Variants in AGPAT3 observed in about 807,000 individuals in gnomAD.
AGPAT3 encodes 1-acylglycerol-3-phosphate O-acyltransferase 3.
Under a neutral mutation model 47.3 loss-of-function variants are expected in AGPAT3, and 5 were observed. The observed-to-expected ratio is 0.11, with a 90% CI of 0.06 to 0.22. The LOEUF (loss-of-function observed/expected upper bound fraction) is 0.22, where lower values mean the gene tolerates loss of function less well. AGPAT3 is among the 10% of genes least tolerant of loss of function. The pLI is 1.00. For missense variants in AGPAT3, 315 were observed against 493.0 expected (o/e 0.64, Z 3.42); for synonymous variants, 212 against 208.3 (o/e 1.02, Z -0.15).
At position 43,985,255 on chromosome 21, in the gene AGPAT3, C is replaced by T. The variant is rs1326762943; in HGVS notation, c.*2863C>T. 4 of 456,048 alleles carry T rather than the reference C, an allele frequency of 8.8e-6. No individual in the cohort carries two copies. The highest frequency in any genetic ancestry group is 3.1e-5 in the South Asian group (2 of 64,566). 28.3% of individuals were successfully genotyped at this position (456,048 alleles called of 1,614,324 possible). On this transcript the variant is annotated 3_prime_UTR_variant, in exon 10 of 10. Transcript: ENST00000291572. Reference sequence around the variant, plus strand: ...TGTGAGACACTGGTTGTCTGGTACTCGGCGACAGTGTACCAGACGCGCACC... The same window carrying T: ...TGTGAGACACTGGTTGTCTGGTACTTGGCGACAGTGTACCAGACGCGCACC...
chr21:43,959,736 T>C lies in AGPAT3; in HGVS notation c.55T>C (p.Phe19Leu). The C allele has an allele frequency of 3.7e-6, 6 of 1,613,896 alleles. No individual in the cohort carries two copies. Among genetic ancestry groups the C allele is most frequent in the Non-Finnish European group, 5.1e-6 (6 of 1,179,956 alleles). Residue 19 changes from phenylalanine (F) to leucine (L), a missense_variant, in exon 3 of 10, where the codon TTT (phenylalanine) becomes CTT (leucine). Phe to Leu is a conservative substitution (Grantham distance 22). Transcript: ENST00000291572. ...GTTCGTGCTGCACCTGCTGGTCGGC[T>C]TTGTCTTCGTGGTGAGTGGTCTGGT... ...TQFVLHLLVGFVFVVSGLVIN... is the reference protein window; with the variant it reads ...TQFVLHLLVGLVFVVSGLVIN...
At chr21:43,905,613 A>G (rs2086474239) in intron 2 of AGPAT3, among the ~76,000 whole-genome samples, 1 of 152,246 alleles carries the variant, frequency 6.6e-6, no homozygotes, top group Non-Finnish European at 1.5e-5. Context: ...GCTGTCCTCT[A>G]ACATTCTGGA....
rs146272201 is a variant in AGPAT3 at position 43,942,913 on chromosome 21, G to A, written c.-48-16721G>A. On this transcript the variant is annotated intron_variant, in intron 2 of 9. Coordinates refer to ENST00000291572, the MANE Select transcript of AGPAT3 (RefSeq NM_020132.5). ...CTGTGTTGTATACAGAGAAAAAGCC[G>A]TCCTGGCAGCCCTCAGAGCCCCTTG... 1.6e-3 allele frequency among the ~76,000 whole-genome samples: 247 copies of A among 152,326 alleles called. 1 individual carries two copies. Among genetic ancestry groups the A allele is most frequent in the African/African-American group, 5.4e-3 (224 of 41,572 alleles).
intron 1 of AGPAT3, among the ~76,000 whole-genome samples, chr21:43,879,022 G>A (rs1041564252): frequency 2.6e-5 from 4 of 152,114 alleles, no homozygotes; most frequent in Non-Finnish European, 4.4e-5. Flanking sequence ...TTACAGGTGT[G>A]AGCCACCACG....
At chr21:43,944,192 C>T (rs1192235984) in intron 2 of AGPAT3, among the ~76,000 whole-genome samples, 2 of 152,270 alleles carry the variant, frequency 1.3e-5, no homozygotes, top group Admixed American at 1.3e-4. Context: ...ATGTCACAGC[C>T]CCTCCCCACC....
intron 1 of AGPAT3, among the ~76,000 whole-genome samples, chr21:43,871,269 C>G (rs2085618621): frequency 6.6e-6 from 1 of 152,154 alleles, no homozygotes; most frequent in Non-Finnish European, 1.5e-5. Flanking sequence ...ATCATTGCCT[C>G]TGTCTCAGGG....
At chr21:43,888,518 A>G (rs551438144) in intron 1 of AGPAT3, among the ~76,000 whole-genome samples, 44 of 152,366 alleles carry the variant, frequency 2.9e-4, no homozygotes, top group Non-Finnish European at 5.9e-4. Context: ...CATCCTGCAC[A>G]TGTACCCCGG....
intron 2 of AGPAT3, among the ~76,000 whole-genome samples, chr21:43,959,232 GGTGT>G (rs1433714842): frequency 1.6e-5 from 2 of 127,528 alleles, no homozygotes; most frequent in Non-Finnish European, 1.6e-5. Flanking sequence ...TTTGTGATGT[GGTGT>G]GTGTGTGGTG....
At chr21:43,977,822 G>A (rs2058592802) in intron 7 of AGPAT3, among the ~76,000 whole-genome samples, 3 of 152,036 alleles carry the variant, frequency 2.0e-5, no homozygotes, top group Admixed American at 2.0e-4. Context: ...GGGAGGCAGA[G>A]GTTGCAGTGA....
intron 1 of AGPAT3, among the ~76,000 whole-genome samples, chr21:43,901,021 G>A (rs2086337333): frequency 6.6e-6 from 1 of 152,184 alleles, no homozygotes; most frequent in South Asian, 2.1e-4. Context: ...AAACATCCAG[G>A]CTAGACACTG....
At chr21:43,911,474 ACTGGCC>A (rs1415797716) in intron 2 of AGPAT3, among the ~76,000 whole-genome samples, 48 of 152,364 alleles carry the variant, frequency 3.2e-4, no homozygotes, top group African/African-American at 1.1e-3. Context: ...AGATTGCAAC[ACTGGCC>A]CTCACAGCTC....
At chr21:43,900,875 A>T (rs1237940217) in intron 1 of AGPAT3, among the ~76,000 whole-genome samples, 1 of 152,198 alleles carries the variant, frequency 6.6e-6, no homozygotes, top group Non-Finnish European at 1.5e-5. Flanking sequence ...CCCAGAACAA[A>T]GCCCGGAGAT....
rs2088997251 is a variant in AGPAT3 at position 43,963,822 on chromosome 21, G to A, written c.178+3963G>A. 2.6e-5 allele frequency among the ~76,000 whole-genome samples: 4 copies of A among 152,066 alleles called. No individual in the cohort carries two copies. In the South Asian group the frequency reaches 8.3e-4, roughly 32 times the overall value. On this transcript the variant is annotated intron_variant, in intron 3 of 9. Coordinates refer to ENST00000291572, the MANE Select transcript of AGPAT3 (RefSeq NM_020132.5). Reference sequence around the variant, plus strand: ...GCCGACAGCAGATTTCTTACGGCAGGCAGCAGTGGCGGGAGAAGGTGGAAG... The same window carrying A: ...GCCGACAGCAGATTTCTTACGGCAGACAGCAGTGGCGGGAGAAGGTGGAAG...
At chr21:43,968,441 C>T (rs1185370583) in intron 4 of AGPAT3, among the ~76,000 whole-genome samples, 1 of 150,164 alleles carries the variant, frequency 6.7e-6, no homozygotes, top group Non-Finnish European at 1.5e-5. Flanking sequence ...GCAAGAGGGC[C>T]CTGGGTGGGG....
At chr21:43,975,802 A>T (rs2089598101) in intron 7 of AGPAT3, among the ~76,000 whole-genome samples, 2 of 152,160 alleles carry the variant, frequency 1.3e-5, no homozygotes, top group African/African-American at 4.8e-5. Context: ...AAGGTCCACG[A>T]TGAGCCCAGA....
At chr21:43,899,213 G>T (rs2086296137) in intron 1 of AGPAT3, among the ~76,000 whole-genome samples, 1 of 152,184 alleles carries the variant, frequency 6.6e-6, no homozygotes, top group African/African-American at 2.4e-5. Flanking sequence ...CCCCTTGGGG[G>T]ATATGCTTGC....
Position 43,934,280 on chromosome 21 carries a change from G to A in AGPAT3, c.-48-25354G>A, listed in dbSNP as rs375214394. ...TCCCACACACCAGCCCTCTCACCGC[G>A]GTGTGCCTGTCCCCACCTCCCAAGG... is the stretch of plus-strand genomic sequence containing the variant. On this transcript the variant is annotated intron_variant, in intron 2 of 9. Coordinates refer to ENST00000291572, the MANE Select transcript of AGPAT3 (RefSeq NM_020132.5). The surrounding 1 kb of genome is among the most constrained non-coding windows in gnomAD (Gnocchi z 4.7). Among the ~76,000 whole-genome samples the A allele has an allele frequency of 3.3e-5, 5 of 152,202 alleles. No individual in the cohort carries two copies. The highest frequency in any genetic ancestry group is 2.0e-4 in the Admixed American group (3 of 15,276).
At position 43,920,006 on chromosome 21, in the gene AGPAT3, G is replaced by T. The variant is rs898936223; in HGVS notation, c.-49+15987G>T. The T allele has an allele frequency of 6.6e-6, 1 of 152,196 alleles. No individual in the cohort carries two copies. Among genetic ancestry groups the T allele is most frequent in the Non-Finnish European group, 1.5e-5 (1 of 68,038 alleles). The allele number at this position is 152,196 out of a possible 1,614,324, so 9.4% of individuals were successfully genotyped here. On this transcript the variant is annotated intron_variant, in intron 2 of 9. Coordinates refer to ENST00000291572, the MANE Select transcript of AGPAT3 (RefSeq NM_020132.5). The surrounding 1 kb of genome is among the most constrained non-coding windows in gnomAD (Gnocchi z 6.1). The stretch of plus-strand genomic sequence containing the variant: ...TTCCTCATGTGTGGGTGCCATGCGG[G>T]CGTCTGCATCTCCATGCTTGGAGTC...
At chr21:43,900,791 G>A (rs774217774) in intron 1 of AGPAT3, among the ~76,000 whole-genome samples, 1 of 152,066 alleles carries the variant, frequency 6.6e-6, no homozygotes, top group South Asian at 2.1e-4. Flanking sequence ...TCCTACAAAG[G>A]TCCGCTCAGG....
Sources: allele counts gnomAD v4.1 joint callset (sites outside exome capture counted in the v4.1 genomes callset), GRCh38; gene constraint gnomAD v4.1.1; non-coding constraint Gnocchi (gnomAD v3.1); transcripts MANE v1.5; gene names NCBI Gene and HGNC (gene_info 2026-07-23, HGNC 2026-07-21).